NOS2: variants seen among roughly 807,000 people sequenced by gnomAD.
The protein encoded by NOS2 is nitric oxide synthase, inducible.
NOS2 carries 96 observed loss-of-function variants against 136.0 expected under a neutral mutation model. The observed-to-expected ratio is 0.71, with a 90% CI of 0.60 to 0.84. The LOEUF (loss-of-function observed/expected upper bound fraction) is 0.84. Among genes scored for constraint, NOS2 ranks in the 40% least tolerant of loss-of-function variants. The pLI is 0.00. For missense variants in NOS2, 1,237 were observed against 1,496.9 expected (o/e 0.83, Z 2.87); for synonymous variants, 539 against 587.5 (o/e 0.92, Z 1.20).
Position 27,759,070 on chromosome 17 carries a change from A to G in NOS2, c.3165T>C (p.Tyr1055=), listed in dbSNP as rs1403864464. 1.9e-6 allele frequency: 3 copies of G among 1,591,796 alleles called. No individual in the cohort carries two copies. Among genetic ancestry groups the G allele is most frequent in the Non-Finnish European group, 2.6e-6 (3 of 1,169,800 alleles). The change falls in exon 26 of 27, where the codon TAT becomes TAC. Residue 1055 remains tyrosine, a synonymous_variant. Coordinates refer to ENST00000313735, the MANE Select transcript of NOS2 (RefSeq NM_000625.4). ...YSRLPGKPKV[Y]VQDILRQQLA... ...GCTGCTGCCGCAGGATGTCCTGAAC[A>G]TAGACCTGAAACCAGAGGAAACAGT...
At chr17:27,772,203 A>C in intron 14 of NOS2, 105 bp downstream of exon 14, 2 of 1,285,936 alleles carry the variant, frequency 1.6e-6, no homozygotes, top group Non-Finnish European at 2.2e-6. Context: ...ACATTACCAC[A>C]TCCAAGACTC....
At chr17:27,762,377 T>G (rs181112813) in intron 22 of NOS2, among the ~76,000 whole-genome samples, 2 of 152,254 alleles carry the variant, frequency 1.3e-5, no homozygotes, top group East Asian at 3.9e-4. Flanking sequence ...GGCTGCATGA[T>G]TGGGAAGACT....
At position 27,780,751 on chromosome 17, in the gene NOS2, C is replaced by T; in HGVS notation, c.1004+16G>A. On this transcript the variant is annotated intron_variant, in intron 9 of 26. Coordinates refer to ENST00000313735, the MANE Select transcript of NOS2 (RefSeq NM_000625.4). The stretch of plus-strand genomic sequence containing the variant: ...TGTTGACTCGCCCTTGCCCCCAGCA[C>T]CCTCAGCCTACTTACTTGGGATGTT... 1 of 1,614,214 alleles carries T rather than the reference C, an allele frequency of 6.2e-7. No homozygotes were observed. Among genetic ancestry groups the T allele is most frequent in the Non-Finnish European group, 8.5e-7 (1 of 1,180,034 alleles).
At chr17:27,793,711 C>A (rs1909266127) in intron 2 of NOS2, 3 of 394,012 alleles carry the variant, frequency 7.6e-6, no homozygotes, top group Middle Eastern at 6.3e-4. Context: ...GCTCCTTAGG[C>A]GCAGCTCCGC....
intron 2 of NOS2, among the ~76,000 whole-genome samples, chr17:27,791,305 C>T (rs1909173362): frequency 2.0e-5 from 3 of 152,276 alleles, no homozygotes; most frequent in South Asian, 2.1e-4. Context: ...GAATCTTCTG[C>T]GGGGCCCATC....
chr17:27,772,244 A>G, intron 14 of NOS2, 64 bp downstream of exon 14: 1 of 1,586,780 alleles, frequency 6.3e-7, no homozygotes, highest in Non-Finnish European at 8.6e-7. Context: ...AAACCGTTTT[A>G]ACTTTTCCTA....
chr17:27,772,194 C>T, intron 14 of NOS2, 114 bp downstream of exon 14: 10 of 1,159,784 alleles, frequency 8.6e-6, no homozygotes, highest in South Asian at 1.5e-5. Context: ...TAATGATGCA[C>T]ATTACCACAT....
At chr17:27,764,303 C>A (rs953718767) in intron 20 of NOS2, among the ~76,000 whole-genome samples, 159 bp from the exon 21 acceptor site, 1 of 151,892 alleles carries the variant, frequency 6.6e-6, no homozygotes, top group Non-Finnish European at 1.5e-5. Context: ...AAGAAGGTGG[C>A]GCATGGAGAA....
chr17:27,759,371 A>T (rs1404988458), intron 25 of NOS2, among the ~76,000 whole-genome samples: 1 of 152,172 alleles, frequency 6.6e-6, no homozygotes, highest in Non-Finnish European at 1.5e-5. Flanking sequence ...GGCATCAATG[A>T]AGGCAGTCCC....
Position 27,762,887 on chromosome 17 carries a change from T to A in NOS2, c.2711A>T (p.Lys904Met). 1 of 1,595,700 alleles carries A rather than the reference T, an allele frequency of 6.3e-7. No homozygotes were observed. The highest frequency in any genetic ancestry group is 8.5e-7 in the Non-Finnish European group (1 of 1,171,876). Residue 904 changes from lysine to methionine, a missense_variant, in exon 22 of 27, where the codon AAG becomes ATG. This residue lies in a region of NOS2 where 782 missense variants were observed against 909.9 expected (regional missense o/e 0.86). Coordinates refer to ENST00000313735, the MANE Select transcript of NOS2 (RefSeq NM_000625.4). ...GFLLSQLPIL[K>M]PRFYSISSSR... The stretch of plus-strand genomic sequence containing the variant: ...GGAGCTGATGGAGTAGAACCTGGGC[T>A]TCAGAATGGGGAGCTGGGAAAGCAG...
chr17:27,765,634 G>T lies in NOS2; in HGVS notation c.2329C>A (p.Pro777Thr). The change falls in exon 20 of 27, where the codon CCA (proline) becomes ACA (threonine). Residue 777 changes from proline (P) to threonine (T), a missense_variant. Pro to Thr is a conservative substitution (Grantham distance 38). Coordinates refer to ENST00000313735, the MANE Select transcript of NOS2 (RefSeq NM_000625.4). ...TGGACCAGGGCCGGCTGGTTGCCTG[G>T]GCAAACCCCAAGGTGCTCCCCCGGC... ...YLPGEHLGVC[P>T]GNQPALVQGI... The T allele has an allele frequency of 6.2e-7, 1 of 1,613,282 alleles. No individual in the cohort carries two copies. Among genetic ancestry groups the T allele is most frequent in the South Asian group, 1.1e-5 (1 of 91,070 alleles).
At chr17:27,796,365 G>A (rs573196442) in intron 2 of NOS2, among the ~76,000 whole-genome samples, 11 of 152,254 alleles carry the variant, frequency 7.2e-5, no homozygotes, top group East Asian at 5.8e-4. Flanking sequence ...TGGGAGAATC[G>A]CTTGAACCTG....
chr17:27,794,712 G>GCACA (rs1471450143), intron 2 of NOS2, among the ~76,000 whole-genome samples: 33 of 123,822 alleles, frequency 2.7e-4, no homozygotes, highest in East Asian at 4.2e-4. Context: ...ACACACACAC[G>GCACA]CGCACACACA....
At chr17:27,786,397 G>A (rs1311099227) in intron 5 of NOS2, among the ~76,000 whole-genome samples, 1 of 152,314 alleles carries the variant, frequency 6.6e-6, no homozygotes, top group East Asian at 1.9e-4. Context: ...CTGCACTCCA[G>A]CCTGGGCAAC....
In NOS2 at chr17:27,760,694, A is replaced by C; in HGVS notation, c.2939T>G (p.Ile980Ser). 23 of 1,551,024 alleles carry C rather than the reference A, an allele frequency of 1.5e-5. No homozygotes were observed. Among genetic ancestry groups the C allele is most frequent in the Non-Finnish European group, 2.0e-5 (23 of 1,147,130 alleles). The stretch of plus-strand genomic sequence containing the variant: ...GGGCGCGATGCCTGTGCCAGGCCCG[A>C]TGAGGATGCAAGGATGGGAGGGATC... Reference protein sequence around the residue: ...PEDPSHPCILIGPGTGIAPFR... With the variant: ...PEDPSHPCILSGPGTGIAPFR... Residue 980 changes from isoleucine (I) to serine (S), a missense_variant, in exon 24 of 27, where the codon ATC (isoleucine) becomes AGC (serine). Coordinates refer to ENST00000313735, the MANE Select transcript of NOS2 (RefSeq NM_000625.4).
chr17:27,773,629 G>T (rs567860533), intron 12 of NOS2, among the ~76,000 whole-genome samples: 1 of 152,242 alleles, frequency 6.6e-6, no homozygotes, highest in East Asian at 1.9e-4. Context: ...AAGACTCCAG[G>T]ACATGCCGTC....
In NOS2 at chr17:27,789,719, G is replaced by A. The variant is rs200797670; in HGVS notation, c.111-31C>T. The A allele has an allele frequency of 3.6e-5, 54 of 1,515,730 alleles. No individual in the cohort carries two copies. In the African/African-American group the frequency reaches 5.8e-4, roughly 16 times the overall value. 93.9% of individuals were successfully genotyped at this position (1,515,730 alleles called of 1,614,324 possible). A position where few individuals can be genotyped will look rare whatever the true frequency, so the allele number is the denominator to read the frequency against. Reference sequence around the variant, plus strand: ...AAAGGAAACAGCTAGCATGAGATGCGGTATCCAAGGGTGGAGGGGCATCTT... The same window carrying A: ...AAAGGAAACAGCTAGCATGAGATGCAGTATCCAAGGGTGGAGGGGCATCTT... On this transcript the variant is annotated intron_variant, in intron 2 of 26. Transcript: ENST00000313735.
chr17:27,759,204 G>A, intron 25 of NOS2, 129 bp from the exon 26 acceptor site: 1 of 614,414 alleles, frequency 1.6e-6, no homozygotes. Flanking sequence ...CTTCCAGCCA[G>A]GACCTTGCAA....
chr17:27,759,382 C>T (rs528228547), intron 25 of NOS2, among the ~76,000 whole-genome samples: 1 of 152,322 alleles, frequency 6.6e-6, no homozygotes, highest in Non-Finnish European at 1.5e-5. Flanking sequence ...AGGCAGTCCC[C>T]CTGCCCAGGG....
Sources: gnomAD v4.1 joint callset for allele counts (sites outside exome capture counted in the v4.1 genomes callset) on GRCh38, gnomAD v4.1.1 for gene constraint, gnomAD v4.1.1 regional missense constraint, MANE v1.5 for transcripts, NCBI Gene and HGNC (gene_info 2026-07-23, HGNC 2026-07-21) for gene names.